Variants in MCC observed in about 807,000 individuals in gnomAD.
MCC encodes colorectal mutant cancer protein.
In MCC, 90 loss-of-function variants were observed where a neutral mutation model predicts 116.2. That is an observed-to-expected ratio of 0.77 (90% CI 0.65 to 0.92). The LOEUF is 0.92. Among genes scored for constraint, MCC ranks in the 40% least tolerant of loss-of-function variants. The probability of loss-of-function intolerance (pLI) is 0.00; values close to 1 mark genes in which losing one functional copy is unlikely to be tolerated. For synonymous variants in MCC, 578 were observed against 510.5 expected (o/e 1.13, Z -1.78); for missense variants, 1,516 against 1,312.2 (o/e 1.16, Z -2.40).
chr5:113,043,745 G>T, intron 16 of MCC, 115 bp from the exon 17 acceptor site: 1 of 672,436 alleles, frequency 1.5e-6, no homozygotes, highest in Non-Finnish European at 2.6e-6. Flanking sequence ...TGTGGGCACC[G>T]GGTGGCGCCC....
At chr5:113,028,264 C>G (rs753121032) in intron 18 of MCC, among the ~76,000 whole-genome samples, 4 of 152,144 alleles carry the variant, frequency 2.6e-5, no homozygotes, top group Non-Finnish European at 4.4e-5. Flanking sequence ...ACTACAGAAG[C>G]AAATGTGAGA....
At chr5:113,200,161 A>G (rs1445115359) in intron 3 of MCC, among the ~76,000 whole-genome samples, 2 of 152,234 alleles carry the variant, frequency 1.3e-5, no homozygotes, top group African/African-American at 4.8e-5. Flanking sequence ...AGTGGAAGAC[A>G]GTAAATATGA....
chr5:113,209,559 T>C (rs750001344), intron 3 of MCC, among the ~76,000 whole-genome samples: 2 of 152,232 alleles, frequency 1.3e-5, no homozygotes, highest in Admixed American at 6.5e-5. Context: ...GCAATAATTT[T>C]ATTGTAAAGA....
At chr5:113,348,685 T>A (rs931324856) in intron 2 of MCC, among the ~76,000 whole-genome samples, 4 of 151,574 alleles carry the variant, frequency 2.6e-5, no homozygotes, top group Admixed American at 6.6e-5. Flanking sequence ...CCAAAATTAG[T>A]AGGAAAAAAT....
chr5:113,069,070 A>T (rs545743143), intron 12 of MCC, among the ~76,000 whole-genome samples: 1 of 152,382 alleles, frequency 6.6e-6, no homozygotes, highest in South Asian at 2.1e-4. Flanking sequence ...ATTCTGAGTT[A>T]AATAAAATGA....
At chr5:113,362,196 T>C (rs1768565736) in intron 2 of MCC, among the ~76,000 whole-genome samples, 1 of 152,234 alleles carries the variant, frequency 6.6e-6, no homozygotes, top group African/African-American at 2.4e-5. Flanking sequence ...AGTCTTGTTC[T>C]GTTACCCAGC....
chr5:113,385,199 T>C lies in MCC; in HGVS notation c.184A>G (p.Met62Val). 1.2e-6 allele frequency: 2 copies of C among 1,613,876 alleles called. No homozygotes were observed. The highest frequency in any genetic ancestry group is 1.1e-5 in the South Asian group (1 of 91,058). The change falls in exon 2 of 19, where the codon ATG becomes GTG. Residue 62 changes from methionine (M) to valine (V), a missense_variant. Met to Val is a conservative substitution (Grantham distance 21, BLOSUM62 1). Transcript: ENST00000408903. ...DGYISRNDLL[M>V]VCRQLNMEES... The stretch of plus-strand genomic sequence containing the variant: ...TCCATATTCAGCTGGCGACAGACCA[T>C]TAGCAAGTCATTTCTGCAGAAGGGG...
chr5:113,207,856 C>T (rs1762975535), intron 3 of MCC, among the ~76,000 whole-genome samples: 1 of 152,150 alleles, frequency 6.6e-6, no homozygotes, highest in Non-Finnish European at 1.5e-5. Flanking sequence ...AAAGTCCTTC[C>T]CCTGGAGGCC....
At chr5:113,295,557 AGACC>A (rs1766685421) in intron 3 of MCC, among the ~76,000 whole-genome samples, 4 of 152,042 alleles carry the variant, frequency 2.6e-5, no homozygotes, top group Admixed American at 6.6e-5. Context: ...CCCAACCCCC[AGACC>A]TTCCTTAATT....
intron 13 of MCC, among the ~76,000 whole-genome samples, chr5:113,067,649 C>CA (rs1336664445): frequency 2.2e-4 from 34 of 151,950 alleles, no homozygotes; most frequent in South Asian, 1.5e-3. Flanking sequence ...AACAAACAAA[C>CA]AAAAAAAACA....
chr5:113,184,112 T>TA (rs1258242935), intron 3 of MCC, among the ~76,000 whole-genome samples: 2 of 152,226 alleles, frequency 1.3e-5, no homozygotes, highest in Non-Finnish European at 2.9e-5. Context: ...TGTAATCTCT[T>TA]AACATTAGAA....
chr5:113,152,880 G>A (rs1050470761), intron 3 of MCC, among the ~76,000 whole-genome samples: 4 of 152,212 alleles, frequency 2.6e-5, no homozygotes. Flanking sequence ...GGCAGTATTT[G>A]TCTTCTGATG....
intron 3 of MCC, among the ~76,000 whole-genome samples, chr5:113,314,140 A>G (rs1166208892): frequency 3.3e-5 from 5 of 152,016 alleles, no homozygotes; most frequent in Admixed American, 2.6e-4. Flanking sequence ...TTCTAAACAG[A>G]TATTCCAGAT....
At chr5:113,134,797 C>A (rs538534897) in intron 5 of MCC, among the ~76,000 whole-genome samples, 2 of 151,680 alleles carry the variant, frequency 1.3e-5, no homozygotes, top group Non-Finnish European at 2.9e-5. Context: ...ACAAGCTTAG[C>A]GTTCCAGTAA....
At position 113,335,424 on chromosome 5, in the gene MCC, A is replaced by G. The variant is rs575634534; in HGVS notation, c.627+5095T>C. ...TAATACTTTAAAAACCAAGTAGTAT[A>G]GCTCACAGAATTTATCTAGACATTG... On this transcript the variant is annotated intron_variant, in intron 3 of 18. Coordinates refer to ENST00000408903, the MANE Select transcript of MCC (RefSeq NM_001085377.2). 1.6e-4 allele frequency among the ~76,000 whole-genome samples: 25 copies of G among 151,920 alleles called. No individual in the cohort carries two copies. The South Asian group carries it at 3.7e-3, about 23-fold the overall frequency.
At chr5:113,428,720 C>T (rs1163445608) in intron 1 of MCC, 2 of 152,154 alleles carry the variant, frequency 1.3e-5, no homozygotes, top group Non-Finnish European at 2.9e-5. Flanking sequence ...CTGAAGAACA[C>T]AATCTCAAGG....
intron 17 of MCC, among the ~76,000 whole-genome samples, chr5:113,033,977 C>G (rs1467562324): frequency 2.0e-5 from 3 of 152,188 alleles, no homozygotes; most frequent in Non-Finnish European, 4.4e-5. Context: ...GCCTCGACCT[C>G]CCAGGCTCAA....
intron 1 of MCC, among the ~76,000 whole-genome samples, chr5:113,415,782 A>T (rs567312184): frequency 6.6e-6 from 1 of 152,192 alleles, no homozygotes; most frequent in African/African-American, 2.4e-5. Context: ...AGCTTGTCAA[A>T]GTCATTCTCC....
chr5:113,181,703 C>T (rs1008719153), intron 3 of MCC, among the ~76,000 whole-genome samples: 1 of 152,148 alleles, frequency 6.6e-6, no homozygotes, highest in Admixed American at 6.6e-5. Flanking sequence ...TAACAAAAGG[C>T]AAACCTCAAA....
Sources: allele counts gnomAD v4.1 joint callset (sites outside exome capture counted in the v4.1 genomes callset), GRCh38; gene constraint gnomAD v4.1.1; transcripts MANE v1.5; gene names NCBI Gene and HGNC (gene_info 2026-07-23, HGNC 2026-07-21).